Variants in FTO observed in about 807,000 individuals in gnomAD.
FTO encodes the protein alpha-ketoglutarate-dependent dioxygenase FTO.
FTO carries 47 observed loss-of-function variants against 63.9 expected under a neutral mutation model. The ratio of observed to expected loss-of-function variants is 0.74; its 90% CI spans 0.58 to 0.94. FTO has a LOEUF of 0.94. FTO is among the 40% of genes least tolerant of loss of function. The pLI is 0.00. For missense variants in FTO, 562 were observed against 618.1 expected, an observed-to-expected ratio of 0.91 and a Z score of 0.96; for synonymous variants, 207 against 224.4, an observed-to-expected ratio of 0.92 and a Z score of 0.69.
At chr16:54,079,967 G>A (rs7199638) in intron 8 of FTO, among the ~76,000 whole-genome samples, 4,924 of 152,138 alleles carry the variant, frequency 0.032, 268 homozygotes, top group African/African-American at 0.11. Context: ...ATTTAATGTA[G>A]CCCCTGAGCC....
intron 1 of FTO, among the ~76,000 whole-genome samples, chr16:53,748,313 T>A (rs1298934152): frequency 6.6e-6 from 1 of 152,222 alleles, no homozygotes; most frequent in Non-Finnish European, 1.5e-5. Context: ...ATCATTTACT[T>A]AGTTGTATCA....
At chr16:54,030,930 G>T (rs1247571461) in intron 8 of FTO, among the ~76,000 whole-genome samples, 2 of 152,134 alleles carry the variant, frequency 1.3e-5, no homozygotes, top group Non-Finnish European at 2.9e-5. Flanking sequence ...CCATTATGAA[G>T]CCTTAAAATA....
intron 8 of FTO, among the ~76,000 whole-genome samples, chr16:54,003,782 TA>T (rs1341272612): frequency 6.6e-6 from 1 of 152,192 alleles, no homozygotes; most frequent in South Asian, 2.1e-4. Flanking sequence ...GCCTTGCTAT[TA>T]AAAAAAGATC....
At chr16:53,836,111 G>T (rs1240268956) in intron 3 of FTO, among the ~76,000 whole-genome samples, 1 of 152,024 alleles carries the variant, frequency 6.6e-6, no homozygotes, top group Non-Finnish European at 1.5e-5. Flanking sequence ...GGCTGGTCTC[G>T]AATTCCTGAC....
At chr16:54,082,090 G>A (rs2086161394) in intron 8 of FTO, among the ~76,000 whole-genome samples, 1 of 152,122 alleles carries the variant, frequency 6.6e-6, no homozygotes, top group Non-Finnish European at 1.5e-5. Flanking sequence ...AATTACTCCA[G>A]TCAGATTCTC....
At chr16:53,733,089 C>G (rs1371873678) in intron 1 of FTO, among the ~76,000 whole-genome samples, 1 of 152,164 alleles carries the variant, frequency 6.6e-6, no homozygotes, top group Admixed American at 6.5e-5. Flanking sequence ...TCTGACATGG[C>G]TTGGCTGACT....
rs11075995 is a variant in FTO at position 53,821,379 on chromosome 16, A to T, written c.124-4485A>T. On this transcript the variant is annotated intron_variant, in intron 2 of 8. Coordinates refer to ENST00000471389, the MANE Select transcript of FTO (RefSeq NM_001080432.3). ...TATACTGGGGCCTCAGGGACTTGCT[A>T]AGAAAGTAACCAGTATAGTGATAGA... 0.77 allele frequency among the ~76,000 whole-genome samples: 117,004 copies of T among 152,082 alleles called. 45,063 individuals carry two copies. The highest frequency in any genetic ancestry group is 0.82 in the African/African-American group (34,182 of 41,492).
intron 8 of FTO, among the ~76,000 whole-genome samples, chr16:54,089,915 C>A (rs969420275): frequency 6.6e-6 from 1 of 151,522 alleles, no homozygotes; most frequent in Non-Finnish European, 1.5e-5. Flanking sequence ...AGAAATGGGG[C>A]TCCTCCATTA....
At chr16:53,994,887 C>T (rs528650033) in intron 8 of FTO, among the ~76,000 whole-genome samples, 82 of 152,128 alleles carry the variant, frequency 5.4e-4, no homozygotes, top group Admixed American at 1.2e-3. Context: ...GTGGACACTA[C>T]CACTCCCAGC....
At chr16:53,863,074 G>A (rs1034411804) in intron 4 of FTO, among the ~76,000 whole-genome samples, 3 of 152,192 alleles carry the variant, frequency 2.0e-5, no homozygotes, top group Non-Finnish European at 4.4e-5. Context: ...AAAAAAGTCA[G>A]TTGCCAGTGG....
intron 8 of FTO, among the ~76,000 whole-genome samples, chr16:54,017,172 T>C (rs2084470861): frequency 6.6e-6 from 1 of 152,244 alleles, no homozygotes; most frequent in Non-Finnish European, 1.5e-5. Flanking sequence ...ATTATAGTAG[T>C]AATAATCCAT....
At chr16:54,063,772 A>G (rs2085650350) in intron 8 of FTO, 1 of 150,652 alleles carries the variant, frequency 6.6e-6, no homozygotes, top group Non-Finnish European at 1.5e-5. Flanking sequence ...AAGGTTTCAC[A>G]CAGGATGAGT....
At chr16:53,750,774 ATC>A (rs2076770287) in intron 1 of FTO, among the ~76,000 whole-genome samples, 1 of 152,184 alleles carries the variant, frequency 6.6e-6, no homozygotes. Flanking sequence ...GCTTTTATTA[ATC>A]TCTGTGTCTT....
intron 8 of FTO, among the ~76,000 whole-genome samples, chr16:53,954,545 A>G (rs949403524): frequency 6.6e-6 from 1 of 152,184 alleles, no homozygotes; most frequent in Non-Finnish European, 1.5e-5. Context: ...GTCAAAGGGA[A>G]GTGGCTGACA....
chr16:54,038,901 A>G (rs901207981), intron 8 of FTO, among the ~76,000 whole-genome samples: 1 of 152,176 alleles, frequency 6.6e-6, no homozygotes, highest in Non-Finnish European at 1.5e-5. Context: ...GTATTCCTTT[A>G]TAACAACACA....
chr16:54,012,473 G>T (rs1251977471), intron 8 of FTO, among the ~76,000 whole-genome samples: 1 of 152,204 alleles, frequency 6.6e-6, no homozygotes, highest in Non-Finnish European at 1.5e-5. Context: ...CTATCCAGAA[G>T]ATCTAGCTAA....
chr16:54,057,472 G>C (rs1025462613), intron 8 of FTO, among the ~76,000 whole-genome samples: 10 of 152,034 alleles, frequency 6.6e-5, no homozygotes, highest in African/African-American at 2.4e-4. Context: ...GTTGTTTTTT[G>C]TTTTTTGTTT....
chr16:53,838,359 A>G (rs1314985858), intron 3 of FTO, among the ~76,000 whole-genome samples: 2 of 152,154 alleles, frequency 1.3e-5, no homozygotes, highest in Non-Finnish European at 2.9e-5. Flanking sequence ...CACCCAGGCT[A>G]GAGTGCAGTG....
chr16:53,734,851 T>C (rs1468091434), intron 1 of FTO, among the ~76,000 whole-genome samples: 2 of 151,676 alleles, frequency 1.3e-5, no homozygotes, highest in African/African-American at 4.9e-5. Flanking sequence ...TAAAAGAGAG[T>C]TTTTATATTA....
Sources: gnomAD v4.1 joint callset for allele counts (sites outside exome capture counted in the v4.1 genomes callset) on GRCh38, gnomAD v4.1.1 for gene constraint, MANE v1.5 for transcripts, NCBI Gene and HGNC (gene_info 2026-07-23, HGNC 2026-07-21) for gene names.